Variants in KDM4C observed in about 807,000 individuals in gnomAD.
KDM4C encodes the protein lysine-specific demethylase 4C.
A neutral mutation model predicts 129.3 loss-of-function variants in KDM4C; 81 were observed. That is an observed-to-expected ratio of 0.63 (90% CI 0.52 to 0.75). The LOEUF (loss-of-function observed/expected upper bound fraction) is 0.75, where lower values mean the gene tolerates loss of function less well. Among genes scored for constraint, KDM4C ranks in the 30% least tolerant of loss-of-function variants. The pLI is 0.00. For missense variants in KDM4C, 1,457 were observed against 1,304.0 expected (o/e 1.12, Z -1.81); for synonymous variants, 573 against 456.1 (o/e 1.26, Z -3.26).
chr9:7,075,821 TC>T, intron 17 of KDM4C, among the ~76,000 whole-genome samples: 1 of 152,044 alleles, frequency 6.6e-6, no homozygotes, highest in Non-Finnish European at 1.5e-5. Flanking sequence ...TTTTTTTTTT[TC>T]TTTTTTTGAG....
intron 17 of KDM4C, among the ~76,000 whole-genome samples, chr9:7,082,652 G>T (rs1025872236): frequency 2.6e-5 from 4 of 152,100 alleles, no homozygotes; most frequent in Admixed American, 1.3e-4. Context: ...CTGCTGACTT[G>T]ACACTTCATC....
intron 1 of KDM4C, among the ~76,000 whole-genome samples, chr9:6,724,968 C>T (rs1339903132): frequency 1.3e-5 from 2 of 152,126 alleles, no homozygotes; most frequent in Admixed American, 1.3e-4. Context: ...GGACTGCACT[C>T]CCTCCAGAGG....
intron 1 of KDM4C, among the ~76,000 whole-genome samples, chr9:6,791,797 T>G (rs1588290742): frequency 6.7e-6 from 1 of 149,612 alleles, no homozygotes; most frequent in Admixed American, 6.7e-5. Context: ...CCAAGGCGGG[T>G]GGATCACCTG....
chr9:7,124,933 T>A (rs577712294), intron 18 of KDM4C, among the ~76,000 whole-genome samples: 2 of 152,222 alleles, frequency 1.3e-5, no homozygotes, highest in Admixed American at 1.3e-4. Context: ...AGCATTCTTG[T>A]CCGCAGTTCC....
At chr9:7,144,399 C>G (rs1200603035) in intron 19 of KDM4C, among the ~76,000 whole-genome samples, 1 of 152,190 alleles carries the variant, frequency 6.6e-6, no homozygotes, top group Non-Finnish European at 1.5e-5. Context: ...CAAGTGTTAC[C>G]CATTTGCTCA....
Position 7,174,628 on chromosome 9 carries a change from A to G in KDM4C, c.3070A>G (p.Arg1024Gly), listed in dbSNP as rs1323376332. 2 of 1,614,028 alleles carry G rather than the reference A, an allele frequency of 1.2e-6. No individual in the cohort carries two copies. Among genetic ancestry groups the G allele is most frequent in the African/African-American group, 2.7e-5 (2 of 74,940 alleles). The change falls in exon 22 of 22, where the codon AGA becomes GGA. Residue 1024 changes from arginine (R) to glycine (G), a missense_variant. Physicochemically the swap from Arg to Gly is moderately radical, Grantham distance 125. Coordinates refer to ENST00000381309, the MANE Select transcript of KDM4C (RefSeq NM_015061.6). The part of the protein sequence containing the change: ...DIIQGERKRQ[R>G]VLSSRFKNEY... The stretch of plus-strand genomic sequence containing the variant: ...TATCCAAGGGGAGAGAAAGAGACAA[A>G]GAGTGCTGAGCTCCAGGTTTAAGAA...
intron 17 of KDM4C, among the ~76,000 whole-genome samples, chr9:7,083,711 A>ATG (rs142609948): frequency 0.093 from 13,362 of 143,204 alleles, 679 homozygotes; most frequent in Non-Finnish European, 0.11. Flanking sequence ...CACATGACTG[A>ATG]TGTGTGTGTG....
At chr9:7,158,975 TAA>T in intron 19 of KDM4C, among the ~76,000 whole-genome samples, 1 of 152,218 alleles carries the variant, frequency 6.6e-6, no homozygotes, top group South Asian at 2.1e-4. Flanking sequence ...TGTGGGAGTC[TAA>T]GTCTCTTTGT....
intron 19 of KDM4C, among the ~76,000 whole-genome samples, chr9:7,138,002 C>G (rs940027708): frequency 1.3e-5 from 2 of 151,996 alleles, no homozygotes; most frequent in Non-Finnish European, 2.9e-5. Context: ...CTTTTTGTAC[C>G]TTATTTAAAA....
chr9:7,012,290 G>C (rs1261796232), intron 13 of KDM4C, among the ~76,000 whole-genome samples: 1 of 152,028 alleles, frequency 6.6e-6, no homozygotes, highest in African/African-American at 2.4e-5. Flanking sequence ...TGTTGCCTAG[G>C]CTAGTCTTGA....
chr9:7,143,780 A>G (rs770977193), intron 19 of KDM4C, among the ~76,000 whole-genome samples: 2 of 152,234 alleles, frequency 1.3e-5, no homozygotes, highest in Non-Finnish European at 1.5e-5. Context: ...TTGATTCATT[A>G]TCCACTCCTT....
rs180936851 is a variant in KDM4C, at chr9:6,954,071, C to T, written c.922-26854C>T. 4.3e-4 allele frequency among the ~76,000 whole-genome samples: 66 copies of T among 152,296 alleles called. 2 individuals carry two copies. The highest frequency in any genetic ancestry group is 4.1e-3 in the Admixed American group (63 of 15,306). The stretch of plus-strand genomic sequence containing the variant: ...TCTTCCTTCACTGCATTCATGGATA[C>T]TTCACCTCATTCTATGCTCACATCA... On this transcript the variant is annotated intron_variant, in intron 8 of 21. Coordinates refer to ENST00000381309, the MANE Select transcript of KDM4C (RefSeq NM_015061.6).
At chr9:6,829,074 G>A (rs1218562373) in intron 4 of KDM4C, among the ~76,000 whole-genome samples, 1 of 152,202 alleles carries the variant, frequency 6.6e-6, no homozygotes, top group African/African-American at 2.4e-5. Flanking sequence ...AGCAATGGTG[G>A]GTGTTGGCCA....
In KDM4C at chr9:6,849,625, C is replaced by A. The variant is rs1400155031; in HGVS notation, c.554C>A (p.Thr185Asn). ...TPYLYFGMWKTTFAWHTEDMD... is the reference protein window; with the variant it reads ...TPYLYFGMWKNTFAWHTEDMD... ...TATCTCTATTTTGGCATGTGGAAGACCACGTTTGCATGGCACACCGAAGAC... is the reference window on the plus strand; with the variant it reads ...TATCTCTATTTTGGCATGTGGAAGAACACGTTTGCATGGCACACCGAAGAC... Residue 185 changes from threonine to asparagine, a missense_variant, in exon 5 of 22, where the codon ACC (threonine) becomes AAC (asparagine). Thr to Asn is a moderately conservative substitution (Grantham distance 65). Transcript: ENST00000381309. 3 of 1,613,808 alleles carry A rather than the reference C, an allele frequency of 1.9e-6. No homozygotes were observed. The highest frequency in any genetic ancestry group is 1.7e-6 in the Non-Finnish European group (2 of 1,179,850).
intron 12 of KDM4C, among the ~76,000 whole-genome samples, chr9:6,999,889 A>C (rs921801769): frequency 8.5e-5 from 13 of 152,232 alleles, no homozygotes; most frequent in Admixed American, 4.6e-4. Flanking sequence ...ATTAATTTTT[A>C]CATAATGATC....
chr9:7,048,192 C>T (rs768680683), intron 16 of KDM4C, among the ~76,000 whole-genome samples: 1 of 152,026 alleles, frequency 6.6e-6, no homozygotes, highest in South Asian at 2.1e-4. Context: ...ATAAGACGTT[C>T]TCTTCCTATG....
intron 1 of KDM4C, among the ~76,000 whole-genome samples, chr9:6,737,744 G>GA (rs1168966358): frequency 1.3e-5 from 2 of 150,488 alleles, no homozygotes; most frequent in Non-Finnish European, 3.0e-5. Flanking sequence ...TGGACAACAT[G>GA]AAAAAATGTT....
At chr9:6,822,003 A>C (rs1037500632) in intron 4 of KDM4C, among the ~76,000 whole-genome samples, 3 of 152,184 alleles carry the variant, frequency 2.0e-5, no homozygotes, top group South Asian at 4.1e-4. Flanking sequence ...AAATCTGAAC[A>C]CCATGGACAG....
At chr9:6,856,903 G>T (rs1035981178) in intron 5 of KDM4C, among the ~76,000 whole-genome samples, 1 of 151,694 alleles carries the variant, frequency 6.6e-6, no homozygotes, top group Admixed American at 6.6e-5. Context: ...GACTACAGGC[G>T]CCCGCCACCG....
Sources: gnomAD v4.1 joint callset for allele counts (sites outside exome capture counted in the v4.1 genomes callset) on GRCh38, gnomAD v4.1.1 for gene constraint, MANE v1.5 for transcripts, NCBI Gene and HGNC (gene_info 2026-07-23, HGNC 2026-07-21) for gene names.